PLEKHA7: variants seen among roughly 807,000 people sequenced by gnomAD.
The protein encoded by PLEKHA7 is pleckstrin homology domain-containing family A member 7.
In PLEKHA7, 104 loss-of-function variants were observed where a neutral mutation model predicts 170.0. That is an observed-to-expected ratio of 0.61 (90% CI 0.52 to 0.72). PLEKHA7 has a LOEUF of 0.72. Ranked by LOEUF, PLEKHA7 falls within the 30% of genes least tolerant of loss-of-function variation. The pLI, the probability that PLEKHA7 is intolerant of heterozygous loss-of-function variation, is 0.00. For missense variants in PLEKHA7, 1,615 were observed against 1,671.7 expected, an observed-to-expected ratio of 0.97 and a Z score of 0.59; for synonymous variants, 648 against 660.8, an observed-to-expected ratio of 0.98 and a Z score of 0.30.
Position 16,789,828 on chromosome 11 carries a change from A to T in PLEKHA7, c.3103T>A (p.Tyr1035Asn). ...RLQQSSTIAP[Y>N]VTLRRGLNAE... ...TTGAGACCCCTCCGGAGTGTGACGT[A>T]GGGAGCAATGGTGGACGACTGCTGG... Residue 1035 changes from tyrosine to asparagine, a missense_variant, in exon 22 of 27, where the codon TAC (tyrosine) becomes AAC (asparagine). Transcript: ENST00000531066. This position sits in a 1 kb window ranked among gnomAD's most constrained non-coding sequence, Gnocchi z 4.6. 6.2e-7 allele frequency: 1 copy of T among 1,614,112 alleles called. No individual in the cohort carries two copies. The highest frequency in any genetic ancestry group is 8.5e-7 in the Non-Finnish European group (1 of 1,179,996).
chr11:16,901,003 G>C (rs150751060), intron 3 of PLEKHA7, among the ~76,000 whole-genome samples: 2,366 of 151,958 alleles, frequency 0.016, 59 homozygotes, highest in African/African-American at 0.054. Flanking sequence ...CGCCACCACA[G>C]CCAGCTAATT....
chr11:16,907,281 G>C, intron 3 of PLEKHA7, among the ~76,000 whole-genome samples: 1 of 143,736 alleles, frequency 7.0e-6, no homozygotes, highest in Non-Finnish European at 1.5e-5. Context: ...CCCCCGCCCG[G>C]CCAGCCGCCC....
intron 3 of PLEKHA7, among the ~76,000 whole-genome samples, chr11:16,966,580 C>T (rs898588691): frequency 4.6e-5 from 7 of 151,962 alleles, no homozygotes; most frequent in South Asian, 4.1e-4. Context: ...GCAGAAGGGG[C>T]GTAACTGAGA....
At chr11:17,004,445 T>C (rs1590831453) in intron 3 of PLEKHA7, among the ~76,000 whole-genome samples, 1 of 150,730 alleles carries the variant, frequency 6.6e-6, no homozygotes, top group Admixed American at 6.7e-5. Context: ...CAGGCTGGAG[T>C]GCAATGGCGC....
chr11:16,888,763 T>A (rs1426013048), intron 3 of PLEKHA7, among the ~76,000 whole-genome samples: 2 of 152,124 alleles, frequency 1.3e-5, no homozygotes, highest in African/African-American at 2.4e-5. Context: ...TTCACTTGTT[T>A]ATCTGCTGAC....
At chr11:16,825,898 G>A (rs564233719) in intron 10 of PLEKHA7, among the ~76,000 whole-genome samples, 7 of 152,314 alleles carry the variant, frequency 4.6e-5, no homozygotes, top group Admixed American at 4.6e-4. Context: ...GGCCTTACCA[G>A]CTGTGTGCTG....
chr11:16,864,743 G>T (rs1419392107), intron 4 of PLEKHA7, among the ~76,000 whole-genome samples: 1 of 152,204 alleles, frequency 6.6e-6, no homozygotes, highest in Non-Finnish European at 1.5e-5. Context: ...CGCCATGATT[G>T]TGGGACCTCC....
rs892517639 is a variant in PLEKHA7 at position 16,805,518 on chromosome 11, A to G, written c.2008-2223T>C. On this transcript the variant is annotated intron_variant, in intron 13 of 26. Coordinates refer to ENST00000531066, the MANE Select transcript of PLEKHA7 (RefSeq NM_001329630.2). ...TAAAGTGCTGCTTATCTTGCCAGGC[A>G]CGGTGGCTCACACCTGTAATCCCAG... 2.0e-4 allele frequency among the ~76,000 whole-genome samples: 31 copies of G among 152,078 alleles called. 1 individual carries two copies. Among genetic ancestry groups the G allele is most frequent in the Admixed American group, 2.0e-4 (3 of 15,270 alleles).
At chr11:16,794,798 G>C (rs1848105750) in intron 18 of PLEKHA7, 84 bp from the exon 19 acceptor site, 37 of 1,533,166 alleles carry the variant, frequency 2.4e-5, no homozygotes, top group Non-Finnish European at 3.2e-5. Context: ...TTAGCACCTC[G>C]AAGACTCAAC....
intron 10 of PLEKHA7, among the ~76,000 whole-genome samples, chr11:16,824,378 T>TA (rs1054246091): frequency 6.6e-6 from 1 of 151,986 alleles, no homozygotes; most frequent in Non-Finnish European, 1.5e-5. Flanking sequence ...ATTTAAAAAA[T>TA]AAAAAATAAC....
chr11:16,853,161 C>T (rs372664723), intron 6 of PLEKHA7, among the ~76,000 whole-genome samples: 5 of 152,138 alleles, frequency 3.3e-5, no homozygotes, highest in African/African-American at 1.2e-4. Context: ...GCCTGGGCAA[C>T]ATAGTGATGC....
chr11:16,996,888 A>G (rs1403398694), intron 3 of PLEKHA7, among the ~76,000 whole-genome samples: 2 of 152,002 alleles, frequency 1.3e-5, no homozygotes, highest in Non-Finnish European at 2.9e-5. Context: ...GTGAGCCAAG[A>G]TCGTGCCACT....
intron 3 of PLEKHA7, among the ~76,000 whole-genome samples, chr11:17,002,399 A>AACACT (rs937550626): frequency 6.6e-6 from 1 of 151,960 alleles, no homozygotes; most frequent in African/African-American, 2.4e-5. Context: ...ACAAAACCTC[A>AACACT]ACACTTAAAG....
intron 10 of PLEKHA7, among the ~76,000 whole-genome samples, chr11:16,820,098 G>A (rs1850091327): frequency 6.6e-6 from 1 of 152,124 alleles, no homozygotes; most frequent in African/African-American, 2.4e-5. Flanking sequence ...TTAAAATGCT[G>A]GTTATCAGCC....
At chr11:16,877,956 C>A (rs1214640508) in intron 3 of PLEKHA7, among the ~76,000 whole-genome samples, 1 of 152,294 alleles carries the variant, frequency 6.6e-6, no homozygotes, top group East Asian at 1.9e-4. Context: ...GTTTGTTGAA[C>A]CTAACTGTAC....
At chr11:16,833,504 G>A (rs1274750582) in intron 9 of PLEKHA7, among the ~76,000 whole-genome samples, 1 of 152,128 alleles carries the variant, frequency 6.6e-6, no homozygotes, top group Non-Finnish European at 1.5e-5. Context: ...CCACCCTGAA[G>A]CTCTAGCACA....
rs759142476 is a variant in PLEKHA7 at position 16,826,468 on chromosome 11, A to G, written c.995T>C (p.Ile332Thr). ...CTGCTCCTGCCTCTCGAAGTTGACA[A>G]TGTCATCATGGCCACGATGAGGACA... The part of the protein sequence containing the change: ...RDCPHRGHDD[I>T]VNFERQEQEG... The change falls in exon 10 of 27, where the codon ATT becomes ACT. Residue 332 changes from isoleucine (I) to threonine (T), a missense_variant. Transcript: ENST00000531066. The G allele has an allele frequency of 1.9e-6, 3 of 1,614,176 alleles. No individual in the cohort carries two copies. Among genetic ancestry groups the G allele is most frequent in the African/African-American group, 2.7e-5 (2 of 75,052 alleles).
intron 3 of PLEKHA7, among the ~76,000 whole-genome samples, chr11:17,005,375 T>C (rs1191837795): frequency 6.6e-6 from 1 of 152,032 alleles, no homozygotes; most frequent in African/African-American, 2.4e-5. Flanking sequence ...CTACTAAAGA[T>C]ACAAAAATTA....
chr11:16,932,123 A>G (rs1192397982), intron 3 of PLEKHA7, among the ~76,000 whole-genome samples: 1 of 152,102 alleles, frequency 6.6e-6, no homozygotes, highest in Non-Finnish European at 1.5e-5. Flanking sequence ...GACCCTGGAT[A>G]ATTTTTTTTC....
Sources: allele counts gnomAD v4.1 joint callset (sites outside exome capture counted in the v4.1 genomes callset), GRCh38; gene constraint gnomAD v4.1.1; non-coding constraint Gnocchi (gnomAD v3.1); transcripts MANE v1.5; gene names NCBI Gene and HGNC (gene_info 2026-07-23, HGNC 2026-07-21).